CAMK4: variants seen among roughly 807,000 people sequenced by gnomAD.
CAMK4 encodes the protein calcium/calmodulin dependent protein kinase IV.
A neutral mutation model predicts 44.9 loss-of-function variants in CAMK4; 22 were observed. The observed-to-expected ratio is 0.49, with a 90% CI of 0.35 to 0.70. CAMK4 has a LOEUF of 0.70. Among genes scored for constraint, CAMK4 ranks in the 30% least tolerant of loss-of-function variants. The pLI is 0.01. For synonymous variants in CAMK4, 218 were observed against 215.4 expected (o/e 1.01, Z -0.11); for missense variants, 498 against 586.8 (o/e 0.85, Z 1.56).
intron 1 of CAMK4, among the ~76,000 whole-genome samples, chr5:111,239,036 G>A (rs956242192): frequency 4.0e-5 from 6 of 151,424 alleles, no homozygotes; most frequent in South Asian, 2.1e-4. Context: ...CAGCTGGCAC[G>A]GGATTTTTTG....
At chr5:111,476,648 T>C (rs2112493289) in intron 8 of CAMK4, among the ~76,000 whole-genome samples, 1 of 152,274 alleles carries the variant, frequency 6.6e-6, no homozygotes, top group South Asian at 2.1e-4. Flanking sequence ...TTTCTAAGAA[T>C]GCCATTAGGC....
rs888357385 is a variant in CAMK4 at position 111,487,459 on chromosome 5, T to C, written c.*2993T>C. 7 of 152,196 alleles carry C rather than the reference T, an allele frequency of 4.6e-5. No individual in the cohort carries two copies. Among genetic ancestry groups the C allele is most frequent in the African/African-American group, 7.2e-5 (3 of 41,540 alleles). The allele number at this position is 152,196 out of a possible 1,614,324, so 9.4% of individuals were successfully genotyped here. A position where few individuals can be genotyped will look rare whatever the true frequency, so the allele number is the denominator to read the frequency against. On this transcript the variant is annotated 3_prime_UTR_variant, in exon 11 of 11. Coordinates refer to ENST00000282356, the MANE Select transcript of CAMK4 (RefSeq NM_001744.6). Reference sequence around the variant, plus strand: ...TAAATAGGTAAAAATTAGAATAATATCGTGGTAGAAGTTAATTGTCCAGAA... The same window carrying C: ...TAAATAGGTAAAAATTAGAATAATACCGTGGTAGAAGTTAATTGTCCAGAA...
intron 5 of CAMK4, among the ~76,000 whole-genome samples, chr5:111,415,041 T>A (rs183998070): frequency 3.3e-4 from 50 of 152,344 alleles, no homozygotes; most frequent in African/African-American, 1.2e-3. Context: ...AGAGGACATT[T>A]CTCTGCCAGA....
At chr5:111,337,530 C>A (rs1749457727) in intron 1 of CAMK4, among the ~76,000 whole-genome samples, 1 of 142,522 alleles carries the variant, frequency 7.0e-6, no homozygotes. Context: ...TTAGGTCATT[C>A]AAATAGTGTT....
intron 1 of CAMK4, among the ~76,000 whole-genome samples, chr5:111,333,798 C>G (rs1328441065): frequency 1.3e-5 from 2 of 151,434 alleles, no homozygotes; most frequent in Non-Finnish European, 3.0e-5. Flanking sequence ...TTGAGTTGAT[C>G]AGAGTTGAAG....
At chr5:111,464,300 T>C (rs1754747677) in intron 7 of CAMK4, among the ~76,000 whole-genome samples, 1 of 151,602 alleles carries the variant, frequency 6.6e-6, no homozygotes, top group Non-Finnish European at 1.5e-5. Flanking sequence ...AAAAAGAATT[T>C]AAAAAAATGA....
Position 111,488,541 on chromosome 5 carries a change from CATGGTAACTG to C in CAMK4, c.*4081_*4090del, listed in dbSNP as rs1200214436. On this transcript the variant is annotated 3_prime_UTR_variant, in exon 11 of 11. Coordinates refer to ENST00000282356, the MANE Select transcript of CAMK4 (RefSeq NM_001744.6). ...CAATCCCTATGTCCTGTTTCACATG[CATGGTAACTG>C]ATGGTGGGTTGCCTACAGGCTGAAG... 6.6e-6 allele frequency: 1 copy of C among 152,142 alleles called. No individual in the cohort carries two copies. Among genetic ancestry groups the C allele is most frequent in the African/African-American group, 2.4e-5 (1 of 41,460 alleles). 9.4% of individuals were successfully genotyped at this position (152,142 alleles called of 1,614,324 possible).
intron 5 of CAMK4, among the ~76,000 whole-genome samples, chr5:111,405,465 T>TCAAAA (rs1163926039): frequency 6.6e-6 from 1 of 151,862 alleles, no homozygotes; most frequent in Non-Finnish European, 1.5e-5. Flanking sequence ...AGACTGCGTC[T>TCAAAA]CAAAACAAAA....
At chr5:111,295,469 A>G (rs1747444359) in intron 1 of CAMK4, among the ~76,000 whole-genome samples, 1 of 152,226 alleles carries the variant, frequency 6.6e-6, no homozygotes, top group South Asian at 2.1e-4. Flanking sequence ...CCTAAGAATT[A>G]TCAGTTTATC....
chr5:111,359,204 C>A (rs1250734605), intron 2 of CAMK4, among the ~76,000 whole-genome samples: 1 of 152,122 alleles, frequency 6.6e-6, no homozygotes, highest in East Asian at 1.9e-4. Flanking sequence ...TGAGTGTTCC[C>A]TTTCCTCCAC....
intron 5 of CAMK4, among the ~76,000 whole-genome samples, chr5:111,421,922 C>T (rs757806489): frequency 4.6e-5 from 7 of 152,118 alleles, no homozygotes; most frequent in South Asian, 2.1e-4. Flanking sequence ...AAGGACGGTT[C>T]GCTTGCACAC....
Position 111,485,908 on chromosome 5 carries a change from A to C in CAMK4, c.*1442A>C, listed in dbSNP as rs1328924622. On this transcript the variant is annotated 3_prime_UTR_variant, in exon 11 of 11. Transcript: ENST00000282356. The stretch of plus-strand genomic sequence containing the variant: ...TGAGTTGAAATGAATATTTTATCAG[A>C]TTAATTATGTGTCACATTTTTGGTG... The C allele has an allele frequency of 3.9e-5, 6 of 152,200 alleles. 1 individual carries two copies. Among genetic ancestry groups the C allele is most frequent in the Admixed American group, 3.9e-4 (6 of 15,286 alleles). 9.4% of individuals were successfully genotyped at this position (152,200 alleles called of 1,614,324 possible). A position where few individuals can be genotyped will look rare whatever the true frequency, so the allele number is the denominator to read the frequency against.
chr5:111,486,615 A>G lies in CAMK4; in HGVS notation c.*2149A>G, dbSNP rs1020215783. On this transcript the variant is annotated 3_prime_UTR_variant, in exon 11 of 11. Coordinates refer to ENST00000282356, the MANE Select transcript of CAMK4 (RefSeq NM_001744.6). ...ACTTGGCGCTTAGCTGAAAGATCAG[A>G]ACACATCATTCCTCCCTGCCCACCC... 1.3e-5 allele frequency: 2 copies of G among 152,150 alleles called. No individual in the cohort carries two copies. Among genetic ancestry groups the G allele is most frequent in the African/African-American group, 4.8e-5 (2 of 41,346 alleles). 9.4% of individuals were successfully genotyped at this position (152,150 alleles called of 1,614,324 possible).
chr5:111,328,957 A>G (rs1434457925), intron 1 of CAMK4, among the ~76,000 whole-genome samples: 1 of 151,974 alleles, frequency 6.6e-6, no homozygotes, highest in Admixed American at 6.6e-5. Context: ...ATCCTTGATG[A>G]ACATCGATGC....
intron 2 of CAMK4, among the ~76,000 whole-genome samples, chr5:111,364,029 G>T (rs1212849718): frequency 2.0e-5 from 3 of 152,084 alleles, no homozygotes. Context: ...AGAGAAATCA[G>T]ACCAGAATGG....
chr5:111,359,939 T>C (rs1750523496), intron 2 of CAMK4, among the ~76,000 whole-genome samples: 1 of 152,076 alleles, frequency 6.6e-6, no homozygotes, highest in African/African-American at 2.4e-5. Flanking sequence ...CTTTTATTGA[T>C]AAATCAAAGC....
intron 2 of CAMK4, among the ~76,000 whole-genome samples, chr5:111,367,043 G>C (rs748363496): frequency 9.9e-5 from 15 of 151,426 alleles, no homozygotes; most frequent in Non-Finnish European, 1.5e-5. Context: ...GGTTCTTTCT[G>C]ATGAGCAATA....
chr5:111,466,349 G>C (rs1031422099), intron 7 of CAMK4, among the ~76,000 whole-genome samples: 9 of 152,124 alleles, frequency 5.9e-5, no homozygotes, highest in African/African-American at 2.2e-4. Flanking sequence ...GTCCTAGCCA[G>C]AGCAATCAGA....
intron 1 of CAMK4, among the ~76,000 whole-genome samples, chr5:111,230,915 C>T (rs181732007): frequency 1.3e-5 from 2 of 151,860 alleles, no homozygotes. Context: ...AGGTCAAATT[C>T]ATACTGCAAA....
Sources: gnomAD v4.1 joint callset for allele counts (sites outside exome capture counted in the v4.1 genomes callset) on GRCh38, gnomAD v4.1.1 for gene constraint, MANE v1.5 for transcripts, NCBI Gene and HGNC (gene_info 2026-07-23, HGNC 2026-07-21) for gene names.